P4HA3: variants seen among roughly 807,000 people sequenced by gnomAD.
P4HA3 encodes prolyl 4-hydroxylase subunit alpha-3.
A neutral mutation model predicts 66.7 loss-of-function variants in P4HA3; 60 were observed. The ratio of observed to expected loss-of-function variants is 0.90; its 90% CI spans 0.73 to 1.12. The LOEUF is 1.12. Among genes scored for constraint, P4HA3 ranks in the 50% most tolerant of loss-of-function variants. P4HA3 has a pLI of 0.00. For missense variants in P4HA3, 683 were observed against 685.8 expected (o/e 1.00, Z 0.05); for synonymous variants, 263 against 274.6 (o/e 0.96, Z 0.42).
At chr11:74,251,667 C>CT in intron 15 of P4HA3, 1 of 1,613,834 alleles carries the variant, frequency 6.2e-7, no homozygotes, top group African/African-American at 1.3e-5. Context: ...GCTGTTGCCA[C>CT]TTTCCTGATC....
At chr11:74,281,366 A>G (rs61902367) in intron 7 of P4HA3, among the ~76,000 whole-genome samples, 1 of 152,196 alleles carries the variant, frequency 6.6e-6, no homozygotes, top group Non-Finnish European at 1.5e-5. Flanking sequence ...CAGCCATCCC[A>G]TTACTGGGTA....
intron 4 of P4HA3, among the ~76,000 whole-genome samples, chr11:74,294,519 C>T (rs1482113430): frequency 6.6e-6 from 1 of 152,162 alleles, no homozygotes; most frequent in Admixed American, 6.5e-5. Context: ...GGAGGAAAGG[C>T]ACTCGATTTT....
chr11:74,289,133 G>GT lies in P4HA3; in HGVS notation c.718-4dup. The GT allele has an allele frequency of 1.3e-6, 2 of 1,481,502 alleles. No individual in the cohort carries two copies. The highest frequency in any genetic ancestry group is 2.5e-5 in the East Asian group (1 of 39,242). 91.8% of individuals were successfully genotyped at this position (1,481,502 alleles called of 1,614,324 possible). A position where few individuals can be genotyped will look rare whatever the true frequency, so the allele number is the denominator to read the frequency against. ...AGGGCACACGAAACATTTCCTGCCT[G>GT]TTAAAAAAAAAAAAAAGAAAAGAAA... On this transcript the variant is annotated splice_polypyrimidine_tract_variant and splice_region_variant and intron_variant, in intron 4 of 12. Coordinates refer to ENST00000331597, the MANE Select transcript of P4HA3 (RefSeq NM_182904.5).
intron 10 of P4HA3, among the ~76,000 whole-genome samples, chr11:74,273,303 C>T (rs1346351203): frequency 3.9e-5 from 6 of 152,148 alleles, no homozygotes; most frequent in Admixed American, 6.5e-5. Flanking sequence ...TAATCCACTG[C>T]CCATACCAAG....
rs1292015210 is a variant in P4HA3, at chr11:74,289,129, G to T, written c.719C>A (p.Ala240Glu). ...GCTGAGGGCACACGAAACATTTCCT[G>T]CCTGTTAAAAAAAAAAAAAAGAAAA... ...LDHLAFAYFR[A>E]GNVSCALSLS... Residue 240 changes from alanine to glutamate, a missense_variant and splice_region_variant, in exon 5 of 13, where the codon GCA (alanine) becomes GAA (glutamate). Physicochemically the swap from Ala to Glu is moderately radical, Grantham distance 107. Coordinates refer to ENST00000331597, the MANE Select transcript of P4HA3 (RefSeq NM_182904.5). The T allele has an allele frequency of 6.4e-7, 1 of 1,564,008 alleles. No individual in the cohort carries two copies. The highest frequency in any genetic ancestry group is 1.9e-5 in the Admixed American group (1 of 53,990).
chr11:74,300,219 G>T (rs1433728772), intron 3 of P4HA3, among the ~76,000 whole-genome samples: 4 of 152,186 alleles, frequency 2.6e-5, no homozygotes, highest in Non-Finnish European at 5.9e-5. Flanking sequence ...TTCTCTTAGG[G>T]GGAAAATGTC....
chr11:74,298,285 T>TG lies in P4HA3; in HGVS notation c.643_644insC (p.Tyr215SerfsTer9). ...CTCATCCTCTGTCTTCCACTCTCCGTAAGATCCTCGGAAGAGACTGACAGC... is the reference window on the plus strand; with the variant it reads ...CTCATCCTCTGTCTTCCACTCTCCGTGAAGATCCTCGGAAGAGACTGACAGC... On this transcript the variant is annotated frameshift_variant, in exon 4 of 13. Transcript: ENST00000331597. LOFTEE classifies it high-confidence loss of function. 1 of 1,614,072 alleles carries TG rather than the reference T, an allele frequency of 6.2e-7. No individual in the cohort carries two copies. Among genetic ancestry groups the TG allele is most frequent in the Non-Finnish European group, 8.5e-7 (1 of 1,179,988 alleles).
intron 8 of P4HA3, among the ~76,000 whole-genome samples, chr11:74,277,980 T>A (rs76600919): frequency 0.013 from 2,035 of 152,310 alleles, 47 homozygotes; most frequent in African/African-American, 0.044. Context: ...TGCCACATGC[T>A]CTTAGGTTAC....
chr11:74,251,631 ATC>A (rs1565398249), intron 15 of P4HA3: 2 of 1,612,142 alleles, frequency 1.2e-6, no homozygotes, highest in Non-Finnish European at 1.7e-6. Flanking sequence ...GGCCTGGAAT[ATC>A]TCTCCCATTT....
At chr11:74,293,549 C>G (rs958520978) in intron 4 of P4HA3, among the ~76,000 whole-genome samples, 1 of 152,196 alleles carries the variant, frequency 6.6e-6, no homozygotes. Context: ...CCTCGATGGT[C>G]TTTACAATTT....
chr11:74,293,348 A>T (rs1186783181), intron 4 of P4HA3, among the ~76,000 whole-genome samples: 5 of 152,034 alleles, frequency 3.3e-5, no homozygotes, highest in Admixed American at 3.3e-4. Context: ...GTCTCTGCAC[A>T]TGAGATGAGT....
intron 14 of P4HA3, among the ~76,000 whole-genome samples, chr11:74,261,174 C>A (rs959981316): frequency 2.6e-5 from 4 of 152,152 alleles, no homozygotes; most frequent in African/African-American, 7.2e-5. Flanking sequence ...TGGAAAAGCT[C>A]TCAGTGGAGA....
Position 74,298,279 on chromosome 11 carries a change from T to C in P4HA3, c.650A>G (p.Glu217Gly), listed in dbSNP as rs1336045905. 6.2e-7 allele frequency: 1 copy of C among 1,614,070 alleles called. No homozygotes were observed. The highest frequency in any genetic ancestry group is 1.1e-5 in the South Asian group (1 of 91,078). The part of the protein sequence containing the change: ...AVSLFRGSYG[E>G]WKTEDEASLE... ...ACTTGCCTCATCCTCTGTCTTCCAC[T>C]CTCCGTAAGATCCTCGGAAGAGACT... Residue 217 changes from glutamate (E) to glycine (G), a missense_variant, in exon 4 of 13, where the codon GAG (glutamate) becomes GGG (glycine). Glu to Gly is a moderately conservative substitution (Grantham distance 98, BLOSUM62 -2). Coordinates refer to ENST00000331597, the MANE Select transcript of P4HA3 (RefSeq NM_182904.5).
chr11:74,266,740 C>A lies in P4HA3; in HGVS notation c.*508G>T. 1.5e-5 allele frequency: 4 copies of A among 259,390 alleles called. No individual in the cohort carries two copies. The highest frequency in any genetic ancestry group is 1.2e-4 in the South Asian group (1 of 8,544). 16.1% of individuals were successfully genotyped at this position (259,390 alleles called of 1,614,324 possible). ...AGTTGTTTTCAACTTAAAAAAAATCCTTATATAATGTACCACTCATCTGGG... is the reference window on the plus strand; with the variant it reads ...AGTTGTTTTCAACTTAAAAAAAATCATTATATAATGTACCACTCATCTGGG... On this transcript the variant is annotated 3_prime_UTR_variant, in exon 13 of 13. Coordinates refer to ENST00000331597, the MANE Select transcript of P4HA3 (RefSeq NM_182904.5).
chr11:74,251,168 T>C, intron 15 of P4HA3: 2 of 1,468,378 alleles, frequency 1.4e-6, no homozygotes, highest in Non-Finnish European at 1.8e-6. Context: ...CTCCAACTTC[T>C]CCCTGGCAGC....
chr11:74,300,258 A>C (rs1861364264), intron 3 of P4HA3, among the ~76,000 whole-genome samples: 1 of 152,206 alleles, frequency 6.6e-6, no homozygotes, highest in Non-Finnish European at 1.5e-5. Context: ...CAAACATGAA[A>C]ACTATATCAG....
At position 74,286,320 on chromosome 11, in the gene P4HA3, C is replaced by T. The variant is rs748116772; in HGVS notation, c.841G>A (p.Val281Met). The T allele has an allele frequency of 1.9e-5, 31 of 1,608,280 alleles. No homozygotes were observed. Among genetic ancestry groups the T allele is most frequent in the Middle Eastern group, 3.3e-4 (2 of 6,024 alleles). ...CTCTGGATGACAGCCTCAGCTACCA[C>T]GTGGTTGGGGCTCTCTGCCAAGAGC... ...ERLLAESPNH[V>M]VAEAVIQRPN... Residue 281 changes from valine (V) to methionine (M), a missense_variant, in exon 6 of 13, where the codon GTG (valine) becomes ATG (methionine). Physicochemically the swap from Val to Met is conservative, Grantham distance 21 (BLOSUM62 1). Coordinates refer to ENST00000331597, the MANE Select transcript of P4HA3 (RefSeq NM_182904.5).
chr11:74,306,179 G>A (rs1470080263), intron 1 of P4HA3, among the ~76,000 whole-genome samples: 1 of 152,176 alleles, frequency 6.6e-6, no homozygotes, highest in African/African-American at 2.4e-5. Context: ...TGACTGTAAA[G>A]GGGAATAAGA....
rs911623429 is a variant in P4HA3 at position 74,304,369 on chromosome 11, G to C, written c.244C>G (p.Pro82Ala). 4.3e-6 allele frequency: 7 copies of C among 1,613,938 alleles called. No individual in the cohort carries two copies. Among genetic ancestry groups the C allele is most frequent in the Non-Finnish European group, 5.9e-6 (7 of 1,179,962 alleles). Residue 82 changes from proline (P) to alanine (A), a missense_variant, in exon 2 of 13, where the codon CCT becomes GCT. By Grantham distance (27) the Pro-to-Ala change is conservative (BLOSUM62 -1). Transcript: ENST00000331597. ...AATGCAAGCAGAGGGTTAGCCACAG[G>C]GGTTGTTGAATCCTCATGCAAAGAA... ...VLSLHEDSTT[P>A]VANPLLAFTL...
Sources: gnomAD v4.1 joint callset for allele counts (sites outside exome capture counted in the v4.1 genomes callset) on GRCh38, gnomAD v4.1.1 for gene constraint, MANE v1.5 for transcripts, NCBI Gene and HGNC (gene_info 2026-07-23, HGNC 2026-07-21) for gene names.